The following AP3B1 variants were observed in gnomAD, a reference collection of about 807,000 sequenced individuals.
AP3B1 encodes AP-3 complex subunit beta-1.
AP3B1 carries 61 observed loss-of-function variants against 132.5 expected under a neutral mutation model. The observed-to-expected ratio is 0.46, with a 90% CI of 0.37 to 0.57. AP3B1 has a LOEUF of 0.57. AP3B1 is among the 20% of genes least tolerant of loss of function. The probability of loss-of-function intolerance (pLI) is 0.00; values close to 1 mark genes in which losing one functional copy is unlikely to be tolerated. For synonymous variants in AP3B1, 388 were observed against 438.3 expected, an observed-to-expected ratio of 0.89 and a Z score of 1.43; for missense variants, 1,120 against 1,289.4, an observed-to-expected ratio of 0.87 and a Z score of 2.01.
At chr5:78,015,286 GA>G in intron 26 of AP3B1, 123 bp downstream of exon 26, 1 of 1,026,800 alleles carries the variant, frequency 9.7e-7, no homozygotes, top group Non-Finnish European at 1.4e-6. Context: ...AAAAAAAAGG[GA>G]GTGTGTGTAT....
At chr5:78,015,717 G>T (rs943577129) in intron 25 of AP3B1, 169 bp from the exon 26 acceptor site, 1 of 659,226 alleles carries the variant, frequency 1.5e-6, no homozygotes, top group East Asian at 2.9e-5. Context: ...CAATTGTTTC[G>T]AAGTTTTTTA....
chr5:78,101,216 A>C (rs925274021), intron 20 of AP3B1, 191 bp from the exon 21 acceptor site: 2 of 522,556 alleles, frequency 3.8e-6, no homozygotes, highest in Admixed American at 6.6e-5. Flanking sequence ...TTTCTTACCC[A>C]CTATGCAAAC....
intron 14 of AP3B1, among the ~76,000 whole-genome samples, chr5:78,153,352 G>A (rs1363385806): frequency 1.3e-5 from 2 of 151,838 alleles, no homozygotes; most frequent in Non-Finnish European, 2.9e-5. Flanking sequence ...CATTTTGTCT[G>A]ATGTAAGTAT....
rs140382963 is a variant in AP3B1, at chr5:78,076,084, A to G, written c.2577+13309T>C. On this transcript the variant is annotated intron_variant, in intron 22 of 26. Transcript: ENST00000255194. ...AAGGTGGAAATGTGGAATTTAGCAA[A>G]TATCAAATAATAGTGTTTATGTTCA... Among the ~76,000 whole-genome samples, 667 of 152,364 alleles carry G rather than the reference A, an allele frequency of 4.4e-3. 4 individuals are homozygous for G. The highest frequency in any genetic ancestry group is 0.015 in the African/African-American group (633 of 41,578).
chr5:78,177,158 A>G (rs756960610), intron 9 of AP3B1, among the ~76,000 whole-genome samples, 181 bp downstream of exon 9: 8 of 152,216 alleles, frequency 5.3e-5, no homozygotes, highest in Non-Finnish European at 1.0e-4. Context: ...AGTATTTATC[A>G]TTAAGTTTGA....
At chr5:78,293,236 AAATT>A (rs1749610802) in intron 1 of AP3B1, among the ~76,000 whole-genome samples, 1 of 152,234 alleles carries the variant, frequency 6.6e-6, no homozygotes, top group Non-Finnish European at 1.5e-5. Context: ...CCATAAAAGT[AAATT>A]AATTTGCGAA....
At chr5:78,184,327 A>T (rs1187283943) in intron 7 of AP3B1, among the ~76,000 whole-genome samples, 1 of 152,154 alleles carries the variant, frequency 6.6e-6, no homozygotes, top group Non-Finnish European at 1.5e-5. Context: ...AGTAAACTGG[A>T]ACACAGAACA....
intron 21 of AP3B1, among the ~76,000 whole-genome samples, chr5:78,097,800 G>A (rs1447617602): frequency 4.6e-5 from 7 of 152,206 alleles, no homozygotes; most frequent in East Asian, 1.9e-4. Flanking sequence ...CATTGAGAAC[G>A]GGCCATGATG....
chr5:78,179,048 C>A (rs1744262826), intron 8 of AP3B1, among the ~76,000 whole-genome samples: 1 of 152,110 alleles, frequency 6.6e-6, no homozygotes, highest in Non-Finnish European at 1.5e-5. Flanking sequence ...TATCTCATTT[C>A]TTCACTTGTG....
chr5:78,210,762 C>G (rs1309548720), intron 7 of AP3B1, among the ~76,000 whole-genome samples: 1 of 152,140 alleles, frequency 6.6e-6, no homozygotes, highest in Non-Finnish European at 1.5e-5. Flanking sequence ...TTTCAGTTTA[C>G]AATTGATGCC....
intron 25 of AP3B1, among the ~76,000 whole-genome samples, chr5:78,019,704 T>C (rs1747009713): frequency 6.6e-6 from 1 of 152,144 alleles, no homozygotes. Flanking sequence ...TATGGACTTG[T>C]ATGAGATTTT....
chr5:78,181,071 G>T (rs559709776), intron 8 of AP3B1, among the ~76,000 whole-genome samples: 1 of 152,064 alleles, frequency 6.6e-6, no homozygotes, highest in East Asian at 1.9e-4. Flanking sequence ...AAACAGTATG[G>T]ACTAATACCA....
chr5:78,238,989 AATG>A (rs1412275737), intron 3 of AP3B1, among the ~76,000 whole-genome samples: 1 of 151,160 alleles, frequency 6.6e-6, no homozygotes, highest in African/African-American at 2.4e-5. Flanking sequence ...AATAAAAAGA[AATG>A]AGAAGGTTGG....
At chr5:78,165,752 GA>G in intron 11 of AP3B1, 80 bp from the exon 12 acceptor site, 1 of 983,938 alleles carries the variant, frequency 1.0e-6, no homozygotes, top group Non-Finnish European at 1.6e-6. Context: ...ACATTTAATT[GA>G]AAGTTTATTT....
chr5:78,033,216 T>C (rs1000655979), intron 24 of AP3B1, among the ~76,000 whole-genome samples: 2 of 152,102 alleles, frequency 1.3e-5, no homozygotes, highest in Non-Finnish European at 2.9e-5. Context: ...CATAGCCTGT[T>C]GTTCAGTAAT....
intron 7 of AP3B1, among the ~76,000 whole-genome samples, chr5:78,184,168 CAAA>C (rs569465616): frequency 8.0e-6 from 1 of 124,572 alleles, no homozygotes. Flanking sequence ...GACTCCATCT[CAAA>C]AAAAAAAAAA....
At position 78,114,061 on chromosome 5, in the gene AP3B1, AT is replaced by A. The variant is rs564099357; in HGVS notation, c.2078-139del. On this transcript the variant is annotated intron_variant, in intron 18 of 26. Coordinates refer to ENST00000255194, the MANE Select transcript of AP3B1 (RefSeq NM_003664.5). ...GTGGACACCACTTGTTTAACATTTTATTCCCACACCCCATTCTTTCAGCTCT... is the reference window on the plus strand; with the variant it reads ...GTGGACACCACTTGTTTAACATTTTATCCCACACCCCATTCTTTCAGCTCT... 7.0e-4 allele frequency: 651 copies of A among 935,582 alleles called. 2 individuals are homozygous for A. Among genetic ancestry groups the A allele is most frequent in the Middle Eastern group, 2.9e-3 (9 of 3,064 alleles). 58.0% of individuals were successfully genotyped at this position (935,582 alleles called of 1,614,324 possible). A position where few individuals can be genotyped will look rare whatever the true frequency, so the allele number is the denominator to read the frequency against.
At chr5:78,231,189 T>A (rs953809164) in intron 3 of AP3B1, among the ~76,000 whole-genome samples, 74 of 152,244 alleles carry the variant, frequency 4.9e-4, no homozygotes, top group Admixed American at 4.2e-3. Context: ...TTTTTGTTTT[T>A]AAGACAAAGT....
chr5:78,154,080 C>T (rs1273940418), intron 14 of AP3B1, among the ~76,000 whole-genome samples: 1 of 152,154 alleles, frequency 6.6e-6, no homozygotes, highest in Non-Finnish European at 1.5e-5. Context: ...TTACTACCAT[C>T]CTTTTCTTTC....
Sources: allele counts gnomAD v4.1 joint callset (sites outside exome capture counted in the v4.1 genomes callset), GRCh38; gene constraint gnomAD v4.1.1; transcripts MANE v1.5; gene names NCBI Gene and HGNC (gene_info 2026-07-23, HGNC 2026-07-21).